The following CADM2 variants were observed in gnomAD, a reference collection of about 807,000 sequenced individuals.
The protein encoded by CADM2 is cell adhesion molecule 2.
A neutral mutation model predicts 49.8 loss-of-function variants in CADM2; 12 were observed. The observed-to-expected ratio is 0.24, with a 90% CI of 0.15 to 0.39. The LOEUF (loss-of-function observed/expected upper bound fraction) is 0.39, where lower values mean the gene tolerates loss of function less well. Ranked by LOEUF, CADM2 falls within the 10% of genes least tolerant of loss-of-function variation. CADM2 has a pLI of 1.00. For missense variants in CADM2, 378 were observed against 492.3 expected (o/e 0.77, Z 2.20); for synonymous variants, 214 against 175.4 (o/e 1.22, Z -1.74).
At chr3:85,206,589 G>T (rs992418487) in intron 1 of CADM2, among the ~76,000 whole-genome samples, 11 of 151,990 alleles carry the variant, frequency 7.2e-5, no homozygotes, top group Non-Finnish European at 1.0e-4. Context: ...TTACAGGCGT[G>T]AGCCACCGCG....
intron 1 of CADM2, among the ~76,000 whole-genome samples, chr3:85,425,575 G>T (rs2036363389): frequency 6.6e-6 from 1 of 152,038 alleles, no homozygotes; most frequent in Non-Finnish European, 1.5e-5. Context: ...TCTCGCTATG[G>T]TGCTATTGAA....
chr3:86,037,998 C>A (rs531344792), intron 8 of CADM2, among the ~76,000 whole-genome samples: 1 of 152,102 alleles, frequency 6.6e-6, no homozygotes, highest in South Asian at 2.1e-4. Flanking sequence ...CCCCCAACCC[C>A]CTGACAAGCT....
chr3:85,319,321 A>G (rs1241042606), intron 1 of CADM2, among the ~76,000 whole-genome samples: 1 of 152,226 alleles, frequency 6.6e-6, no homozygotes. Context: ...TGCCTAGAAA[A>G]GGAATGCTTA....
chr3:86,025,888 C>A (rs1467260644), intron 8 of CADM2, among the ~76,000 whole-genome samples: 1 of 152,010 alleles, frequency 6.6e-6, no homozygotes, highest in Non-Finnish European at 1.5e-5. Flanking sequence ...AAGGAAGAGT[C>A]AATTTAAACA....
chr3:85,823,060 C>T (rs1046703105), intron 3 of CADM2, among the ~76,000 whole-genome samples: 1 of 152,080 alleles, frequency 6.6e-6, no homozygotes, highest in African/African-American at 2.4e-5. Flanking sequence ...GGCTGGCTGT[C>T]CAACCTACAT....
In CADM2 at chr3:85,114,735, CCTTT is replaced by C. The variant is rs368277898; in HGVS notation, c.61+155070_61+155073del. On this transcript the variant is annotated intron_variant, in intron 1 of 9. Transcript: ENST00000383699. Reference sequence around the variant, plus strand: ...GTGTGACCTTGGGCAAATTTTTTAACCTTTCTAAGACTTAGTTTCATGATATGTG... The same window carrying C: ...GTGTGACCTTGGGCAAATTTTTTAACCTAAGACTTAGTTTCATGATATGTG... Among the ~76,000 whole-genome samples the C allele has an allele frequency of 2.2e-3, 332 of 152,272 alleles. 2 individuals carry two copies. The Middle Eastern group carries it at 0.024, about 11-fold the overall frequency.
intron 8 of CADM2, among the ~76,000 whole-genome samples, chr3:86,059,456 G>A (rs559918025): frequency 6.6e-6 from 1 of 152,240 alleles, no homozygotes; most frequent in Non-Finnish European, 1.5e-5. Context: ...GTTAAGTTCA[G>A]AAAGCTTTAT....
At chr3:85,856,336 A>G (rs2075317096) in intron 3 of CADM2, among the ~76,000 whole-genome samples, 1 of 152,214 alleles carries the variant, frequency 6.6e-6, no homozygotes, top group Admixed American at 6.5e-5. Context: ...ATTGTTTTAA[A>G]GGAAAATAGC....
At chr3:85,140,539 C>G (rs888340799) in intron 1 of CADM2, among the ~76,000 whole-genome samples, 1 of 152,154 alleles carries the variant, frequency 6.6e-6, no homozygotes, top group African/African-American at 2.4e-5. Flanking sequence ...TGTAAATCCT[C>G]CCATATCTAT....
chr3:85,693,290 A>C (rs2066441719), intron 1 of CADM2, among the ~76,000 whole-genome samples: 1 of 151,952 alleles, frequency 6.6e-6, no homozygotes, highest in Non-Finnish European at 1.5e-5. Context: ...TGAAGAAAGA[A>C]AGAAAAGAGG....
intron 8 of CADM2, among the ~76,000 whole-genome samples, chr3:86,009,743 A>T (rs938625646): frequency 2.6e-5 from 4 of 151,796 alleles, no homozygotes; most frequent in Non-Finnish European, 4.4e-5. Context: ...ATGGGATTTC[A>T]TGTGTATATT....
chr3:85,442,192 T>C (rs2037234025), intron 1 of CADM2, among the ~76,000 whole-genome samples: 1 of 152,064 alleles, frequency 6.6e-6, no homozygotes, highest in Non-Finnish European at 1.5e-5. Context: ...ATTTTCCTTG[T>C]TCTCTCTCCA....
intron 1 of CADM2, among the ~76,000 whole-genome samples, chr3:85,426,143 C>CT (rs1264559714): frequency 2.8e-5 from 4 of 142,680 alleles, no homozygotes; most frequent in African/African-American, 7.7e-5. Flanking sequence ...TTTTTTTTTT[C>CT]TTTTTTTTTA....
chr3:85,917,754 T>C (rs1718552941), intron 6 of CADM2, among the ~76,000 whole-genome samples: 1 of 152,178 alleles, frequency 6.6e-6, no homozygotes, highest in African/African-American at 2.4e-5. Flanking sequence ...TAAATTACCT[T>C]GGGCAGTATG....
chr3:85,830,586 A>C (rs1577422008), intron 3 of CADM2, among the ~76,000 whole-genome samples: 1 of 151,768 alleles, frequency 6.6e-6, no homozygotes, highest in South Asian at 2.1e-4. Flanking sequence ...CGTATTCAAA[A>C]TATTCATTAT....
chr3:85,702,013 T>C (rs2066789384), intron 1 of CADM2, among the ~76,000 whole-genome samples: 1 of 150,926 alleles, frequency 6.6e-6, no homozygotes, highest in African/African-American at 2.4e-5. Flanking sequence ...GATAGATAGA[T>C]AGATAGTTGA....
intron 8 of CADM2, chr3:86,013,161 C>T: frequency 6.6e-6 from 9 of 1,355,584 alleles, no homozygotes; most frequent in Non-Finnish European, 9.4e-6. Context: ...AATAAAAGAA[C>T]TGAGTGAAGA....
intron 1 of CADM2, among the ~76,000 whole-genome samples, chr3:85,360,578 C>T (rs1414680779): frequency 1.3e-5 from 2 of 152,098 alleles, no homozygotes; most frequent in Non-Finnish European, 2.9e-5. Context: ...CTGGCCTCTC[C>T]TGAATATTTA....
At chr3:85,945,963 C>T (rs1722636263) in intron 7 of CADM2, among the ~76,000 whole-genome samples, 1 of 152,026 alleles carries the variant, frequency 6.6e-6, no homozygotes, top group Non-Finnish European at 1.5e-5. Context: ...AAAGGGTATT[C>T]AGTTAGGAAA....
Sources: gnomAD v4.1 joint callset for allele counts (sites outside exome capture counted in the v4.1 genomes callset) on GRCh38, gnomAD v4.1.1 for gene constraint, MANE v1.5 for transcripts, NCBI Gene and HGNC (gene_info 2026-07-23, HGNC 2026-07-21) for gene names.